IRAK3: variants seen among roughly 807,000 people sequenced by gnomAD.
The protein encoded by IRAK3 is interleukin-1 receptor-associated kinase 3.
Under a neutral mutation model 56.6 loss-of-function variants are expected in IRAK3, and 57 were observed. That is an observed-to-expected ratio of 1.01 (90% CI 0.81 to 1.26). The LOEUF (loss-of-function observed/expected upper bound fraction) is 1.26, where lower values mean the gene tolerates loss of function less well. Ranked by LOEUF, IRAK3 falls within the 50% of genes most tolerant of loss-of-function variation. IRAK3 has a pLI of 0.00. For missense variants in IRAK3, 703 were observed against 719.0 expected, an observed-to-expected ratio of 0.98 and a Z score of 0.25; for synonymous variants, 258 against 255.7, an observed-to-expected ratio of 1.01 and a Z score of -0.09.
At chr12:66,212,110 C>CA (rs11405352) in intron 5 of IRAK3, among the ~76,000 whole-genome samples, 116,584 of 136,686 alleles carry the variant, frequency 0.85, 49,929 homozygotes, top group Middle Eastern at 0.93. Context: ...GACACCACCT[C>CA]AAAAAAAAAA....
chr12:66,220,499 G>A (rs2136932992), intron 6 of IRAK3, among the ~76,000 whole-genome samples: 1 of 125,730 alleles, frequency 8.0e-6, no homozygotes, highest in African/African-American at 2.9e-5. Context: ...AATGCCTCTG[G>A]CTTTGTTCTT....
At chr12:66,225,181 C>T (rs774965598) in intron 6 of IRAK3, among the ~76,000 whole-genome samples, 2 of 152,100 alleles carry the variant, frequency 1.3e-5, no homozygotes, top group Non-Finnish European at 2.9e-5. Flanking sequence ...AAAGATTAGT[C>T]TCTCTGAATT....
chr12:66,229,623 C>T (rs964898354), intron 8 of IRAK3, among the ~76,000 whole-genome samples: 4 of 152,186 alleles, frequency 2.6e-5, no homozygotes, highest in Non-Finnish European at 4.4e-5. Context: ...GGCAATCCAG[C>T]AACTGCTAAT....
In IRAK3 at chr12:66,216,015, C is replaced by T. The variant is rs1317966732; in HGVS notation, c.589-1156C>T. ...ATCACCTGGGAATCATCTTACAATG[C>T]AGATTCTGATTCAGCAGATCTGACA... On this transcript the variant is annotated intron_variant, in intron 5 of 11. Coordinates refer to ENST00000261233, the MANE Select transcript of IRAK3 (RefSeq NM_007199.3). Among the ~76,000 whole-genome samples the T allele has an allele frequency of 3.3e-5, 5 of 152,314 alleles. 1 individual carries two copies. Among genetic ancestry groups the T allele is most frequent in the Admixed American group, 3.3e-4 (5 of 15,300 alleles).
chr12:66,215,790 A>ACGTGCGCGCGCGCGCGCGCG (rs1225435769), intron 5 of IRAK3, among the ~76,000 whole-genome samples: 1,544 of 103,082 alleles, frequency 0.015, 51 homozygotes, highest in African/African-American at 0.045. Flanking sequence ...CAACATGCAC[A>ACGTGCGCGCGCGCGCGCGCG]CACACACACA....
chr12:66,243,948 G>A (rs2052999452), intron 8 of IRAK3, among the ~76,000 whole-genome samples: 1 of 152,168 alleles, frequency 6.6e-6, no homozygotes, highest in Non-Finnish European at 1.5e-5. Context: ...GCAAACATTT[G>A]TATTTTAAAT....
chr12:66,248,132 A>C lies in IRAK3; in HGVS notation c.1752A>C (p.Lys584Asn), dbSNP rs1430280633. The C allele has an allele frequency of 1.2e-6, 2 of 1,612,500 alleles. No homozygotes were observed. The highest frequency in any genetic ancestry group is 4.5e-5 in the East Asian group (2 of 44,876). Residue 584 changes from lysine (K) to asparagine (N), a missense_variant, in exon 12 of 12, where the codon AAA becomes AAC. Transcript: ENST00000261233. ...CAGTGGAGAGCAGCTGTTCCTCCAA[A>C]TTTTCCTGGGATGAATATGAACAGT... ...SRPVESSCSS[K>N]FSWDEYEQYK...
At chr12:66,207,132 T>G (rs1592581119) in intron 2 of IRAK3, among the ~76,000 whole-genome samples, 1 of 152,176 alleles carries the variant, frequency 6.6e-6, no homozygotes, top group Non-Finnish European at 1.5e-5. Flanking sequence ...TTAATGATCT[T>G]TTCAAAAAAA....
chr12:66,214,371 A>C (rs1220035221), intron 5 of IRAK3, among the ~76,000 whole-genome samples: 4 of 149,006 alleles, frequency 2.7e-5, no homozygotes. Context: ...CAAGAAATAC[A>C]AAAAAAAAAT....
At chr12:66,243,659 C>G (rs1443399242) in intron 8 of IRAK3, among the ~76,000 whole-genome samples, 1 of 152,180 alleles carries the variant, frequency 6.6e-6, no homozygotes. Flanking sequence ...TGCCAGAGTT[C>G]TGTTCTCCTC....
intron 8 of IRAK3, chr12:66,235,369 AG>A: frequency 1.0e-6 from 1 of 999,460 alleles, no homozygotes; most frequent in Non-Finnish European, 1.2e-6. Context: ...GGACGCAAGG[AG>A]GGGGCCGGCC....
intron 8 of IRAK3, among the ~76,000 whole-genome samples, chr12:66,239,091 T>A (rs937651135): frequency 1.3e-5 from 2 of 152,216 alleles, no homozygotes; most frequent in African/African-American, 2.4e-5. Context: ...ATGCATTTTA[T>A]CCTTAGCATT....
At chr12:66,195,295 C>T (rs1441703373) in intron 1 of IRAK3, among the ~76,000 whole-genome samples, 3 of 152,338 alleles carry the variant, frequency 2.0e-5, no homozygotes, top group Admixed American at 6.5e-5. Context: ...CAACCACCAT[C>T]GGTTCCCACC....
chr12:66,239,648 A>G (rs2052944531), intron 8 of IRAK3, among the ~76,000 whole-genome samples: 1 of 152,204 alleles, frequency 6.6e-6, no homozygotes, highest in African/African-American at 2.4e-5. Flanking sequence ...ATCTTTCAGA[A>G]AAATTTTAGA....
intron 8 of IRAK3, among the ~76,000 whole-genome samples, chr12:66,242,884 G>A (rs1205577871): frequency 1.3e-5 from 2 of 152,138 alleles, no homozygotes; most frequent in Non-Finnish European, 2.9e-5. Flanking sequence ...GACCAGCCTG[G>A]TCAACATGGT....
rs557923803 is a variant in IRAK3, at chr12:66,193,778, A to G, written c.133+4346A>G. Among the ~76,000 whole-genome samples the G allele has an allele frequency of 5.3e-5, 8 of 152,312 alleles. 1 individual carries two copies. The East Asian group carries it at 1.5e-3, about 29-fold the overall frequency. Reference sequence around the variant, plus strand: ...CTGACCTGTATCCAGGGTCGGTACTATTTACAGGAGTTATCACTGCTTATG... The same window carrying G: ...CTGACCTGTATCCAGGGTCGGTACTGTTTACAGGAGTTATCACTGCTTATG... On this transcript the variant is annotated intron_variant, in intron 1 of 11. Transcript: ENST00000261233.
chr12:66,217,011 T>A (rs1448142481), intron 5 of IRAK3, among the ~76,000 whole-genome samples, 160 bp from the exon 6 acceptor site: 2 of 152,214 alleles, frequency 1.3e-5, no homozygotes, highest in Non-Finnish European at 2.9e-5. Context: ...AATGGATTGT[T>A]GAAAATCTGT....
chr12:66,224,881 T>G (rs1005155722), intron 6 of IRAK3, among the ~76,000 whole-genome samples: 1 of 152,184 alleles, frequency 6.6e-6, no homozygotes. Context: ...TGAAGTGATT[T>G]TAGAAGGTAT....
rs932507246 is a variant in IRAK3, at chr12:66,253,129, T to C, written c.*4958T>C. 4 of 152,224 alleles carry C rather than the reference T, an allele frequency of 2.6e-5. No homozygotes were observed. Among genetic ancestry groups the C allele is most frequent in the Non-Finnish European group, 1.5e-5 (1 of 68,040 alleles). The allele number at this position is 152,224 out of a possible 1,614,324, so 9.4% of individuals were successfully genotyped here. ...ATATTTGTAAAATGAATGAATCAAA[T>C]AGTCCTTCAAAGCATCTTCAGAATC... On this transcript the variant is annotated 3_prime_UTR_variant, in exon 12 of 12. Transcript: ENST00000261233.
Sources: gnomAD v4.1 joint callset for allele counts (sites outside exome capture counted in the v4.1 genomes callset) on GRCh38, gnomAD v4.1.1 for gene constraint, MANE v1.5 for transcripts, NCBI Gene and HGNC (gene_info 2026-07-23, HGNC 2026-07-21) for gene names.